The following PGBD5 variants were observed in gnomAD, a reference collection of about 807,000 sequenced individuals.
The protein encoded by PGBD5 is piggyBac transposable element derived 5.
PGBD5 carries 14 observed loss-of-function variants against 47.9 expected under a neutral mutation model. The observed-to-expected ratio is 0.29, with a 90% CI of 0.19 to 0.46. The LOEUF is 0.46. PGBD5 is among the 20% of genes least tolerant of loss of function. The pLI, the probability that PGBD5 is intolerant of heterozygous loss-of-function variation, is 1.00. For missense variants in PGBD5, 635 were observed against 716.0 expected, an observed-to-expected ratio of 0.89 and a Z score of 1.29; for synonymous variants, 316 against 306.3, an observed-to-expected ratio of 1.03 and a Z score of -0.33.
At chr1:230,367,598 T>C (rs1331044851) in intron 1 of PGBD5, among the ~76,000 whole-genome samples, 1 of 152,106 alleles carries the variant, frequency 6.6e-6, no homozygotes, top group East Asian at 1.9e-4. Context: ...CTCGAGAGGC[T>C]GAGGTGGGAG....
chr1:230,327,746 G>A (rs1328934306), intron 5 of PGBD5, among the ~76,000 whole-genome samples: 7 of 152,234 alleles, frequency 4.6e-5, no homozygotes, highest in Admixed American at 1.3e-4. Flanking sequence ...GTGCGGGCCT[G>A]CAGTGCCCAA....
chr1:230,425,900 C>T lies in PGBD5; in HGVS notation c.29G>A (p.Arg10Lys). 1 of 1,166,608 alleles carries T rather than the reference C, an allele frequency of 8.6e-7. No homozygotes were observed. Among genetic ancestry groups the T allele is most frequent in the Non-Finnish European group, 1.1e-6 (1 of 947,654 alleles). The allele number at this position is 1,166,608 out of a possible 1,614,324, so 72.3% of individuals were successfully genotyped here. The change falls in exon 1 of 7, where the codon AGG becomes AAG. Residue 10 changes from arginine (R) to lysine (K), a missense_variant. Transcript: ENST00000391860. This position sits in a 1 kb window ranked among gnomAD's most constrained non-coding sequence, Gnocchi z 4.7. MAEGGGGAR[R>K]RAPALLEAAR... Reference sequence around the variant, plus strand: ...AGCCTCGAGCAGCGCCGGCGCCCTCCTCCGCGCGCCCCCGCCGCCCTCGGC... The same window carrying T: ...AGCCTCGAGCAGCGCCGGCGCCCTCTTCCGCGCGCCCCCGCCGCCCTCGGC...
Position 230,391,943 on chromosome 1 carries a change from G to C in PGBD5, c.331+33655C>G, listed in dbSNP as rs377586352. ...CCAAGCTGCCCTTCTCCCCCAAAGGGAGCCCGACACAGGAGTCCTGCTGGG... is the reference window on the plus strand; with the variant it reads ...CCAAGCTGCCCTTCTCCCCCAAAGGCAGCCCGACACAGGAGTCCTGCTGGG... On this transcript the variant is annotated intron_variant, in intron 1 of 6. Coordinates refer to ENST00000391860, the MANE Select transcript of PGBD5 (RefSeq NM_001258311.2). Among the ~76,000 whole-genome samples, 91 of 152,142 alleles carry C rather than the reference G, an allele frequency of 6.0e-4. 2 individuals carry two copies. In the South Asian group the frequency reaches 0.018, roughly 30 times the overall value.
At chr1:230,421,101 GA>G (rs1657637488) in intron 1 of PGBD5, among the ~76,000 whole-genome samples, 1 of 152,136 alleles carries the variant, frequency 6.6e-6, no homozygotes, top group South Asian at 2.1e-4. Context: ...CCCACCTCCT[GA>G]AAAACAGCTC....
intron 1 of PGBD5, among the ~76,000 whole-genome samples, chr1:230,407,257 T>C (rs1380156317): frequency 6.6e-6 from 1 of 152,254 alleles, no homozygotes; most frequent in Non-Finnish European, 1.5e-5. Flanking sequence ...CAACTCCTTG[T>C]AGTTTTAAGT....
chr1:230,423,887 C>T (rs1306466727), intron 1 of PGBD5, among the ~76,000 whole-genome samples: 1 of 152,230 alleles, frequency 6.6e-6, no homozygotes, highest in Non-Finnish European at 1.5e-5. Flanking sequence ...CACGATCCTG[C>T]TCTTCATGAC....
chr1:230,399,753 A>T (rs1168017089), intron 1 of PGBD5, among the ~76,000 whole-genome samples: 1 of 152,048 alleles, frequency 6.6e-6, no homozygotes, highest in Admixed American at 6.6e-5. Flanking sequence ...ATCCAAACTC[A>T]CAAAATGACG....
At chr1:230,409,738 A>G (rs1308341751) in intron 1 of PGBD5, among the ~76,000 whole-genome samples, 1 of 152,204 alleles carries the variant, frequency 6.6e-6, no homozygotes, top group East Asian at 1.9e-4. Context: ...AACTGTGAAT[A>G]TACTAAAAGC....
chr1:230,366,974 T>G (rs1285641984), intron 1 of PGBD5, among the ~76,000 whole-genome samples: 1 of 152,012 alleles, frequency 6.6e-6, no homozygotes, highest in Non-Finnish European at 1.5e-5. Context: ...ACGGCAGAAG[T>G]GTTTTTCCCA....
intron 3 of PGBD5, among the ~76,000 whole-genome samples, chr1:230,343,020 T>C (rs532676090): frequency 4.3e-4 from 65 of 152,336 alleles, no homozygotes; most frequent in Non-Finnish European, 7.8e-4. Context: ...ATGCTGCTTG[T>C]GTCATCTTTG....
At chr1:230,336,836 C>T (rs78249563) in intron 4 of PGBD5, among the ~76,000 whole-genome samples, 1 of 19,446 alleles carries the variant, frequency 5.1e-5, no homozygotes, top group Non-Finnish European at 1.8e-3. Context: ...ACAGGGGACA[C>T]ACAAATGCCC....
chr1:230,410,719 A>C (rs1229554398), intron 1 of PGBD5, among the ~76,000 whole-genome samples: 3 of 152,182 alleles, frequency 2.0e-5, no homozygotes, highest in Non-Finnish European at 4.4e-5. Flanking sequence ...ATATTAATGA[A>C]GGTATTTTAC....
intron 1 of PGBD5, among the ~76,000 whole-genome samples, chr1:230,419,877 G>C (rs1407039101): frequency 6.6e-6 from 1 of 152,142 alleles, no homozygotes; most frequent in Admixed American, 6.5e-5. Context: ...TGTAATCTCG[G>C]CACTTTGGGA....
intron 1 of PGBD5, among the ~76,000 whole-genome samples, chr1:230,410,662 A>T (rs6701574): frequency 1.3e-5 from 2 of 151,890 alleles, no homozygotes; most frequent in African/African-American, 4.8e-5. Flanking sequence ...TTTATAGAAC[A>T]CTCCAGAAGA....
chr1:230,420,857 G>GA (rs898374780), intron 1 of PGBD5, among the ~76,000 whole-genome samples: 12 of 151,992 alleles, frequency 7.9e-5, no homozygotes, highest in Admixed American at 2.0e-4. Context: ...CTGTTAATAA[G>GA]AAAAAAACAT....
chr1:230,340,359 C>T (rs1445125825), intron 3 of PGBD5, among the ~76,000 whole-genome samples: 1 of 152,076 alleles, frequency 6.6e-6, no homozygotes, highest in African/African-American at 2.4e-5. Context: ...ATGTGATATA[C>T]TTTAAAAAAT....
rs1572188705 is a variant in PGBD5, at chr1:230,316,089, C to T, written c.*7336G>A. On this transcript the variant is annotated 3_prime_UTR_variant, in exon 7 of 7. Coordinates refer to ENST00000391860, the MANE Select transcript of PGBD5 (RefSeq NM_001258311.2). The stretch of plus-strand genomic sequence containing the variant: ...GTATACATACATGTTTATGTGTATA[C>T]ATACATATGTTTATGTGTACACATA... 4.4e-5 allele frequency: 4 copies of T among 90,042 alleles called. No individual in the cohort carries two copies. Among genetic ancestry groups the T allele is most frequent in the Admixed American group, 3.6e-4 (3 of 8,346 alleles). The allele number at this position is 90,042 out of a possible 1,614,324, so 5.6% of individuals were successfully genotyped here. A position where few individuals can be genotyped will look rare whatever the true frequency, so the allele number is the denominator to read the frequency against.
At chr1:230,393,512 C>A (rs1167319730) in intron 1 of PGBD5, among the ~76,000 whole-genome samples, 1 of 152,102 alleles carries the variant, frequency 6.6e-6, no homozygotes, top group Non-Finnish European at 1.5e-5. Flanking sequence ...AATCTTAGCG[C>A]CTGCTTTAAG....
At chr1:230,378,276 A>G (rs978522060) in intron 1 of PGBD5, among the ~76,000 whole-genome samples, 1 of 152,224 alleles carries the variant, frequency 6.6e-6, no homozygotes, top group African/African-American at 2.4e-5. Flanking sequence ...CTGCCATTGC[A>G]GGGATTATAA....
Sources: gnomAD v4.1 joint callset for allele counts (sites outside exome capture counted in the v4.1 genomes callset) on GRCh38, gnomAD v4.1.1 for gene constraint, Gnocchi (gnomAD v3.1) non-coding constraint, MANE v1.5 for transcripts, NCBI Gene and HGNC (gene_info 2026-07-23, HGNC 2026-07-21) for gene names.